The following BRIP1 variants were observed in gnomAD, a reference collection of about 807,000 sequenced individuals.
The protein encoded by BRIP1 is Fanconi anemia group J protein.
BRIP1 carries 88 observed loss-of-function variants against 119.7 expected under a neutral mutation model. The observed-to-expected ratio is 0.74, with a 90% CI of 0.62 to 0.88. The LOEUF (loss-of-function observed/expected upper bound fraction) is 0.88. Ranked by LOEUF, BRIP1 falls within the 40% of genes least tolerant of loss-of-function variation. The pLI, the probability that BRIP1 is intolerant of heterozygous loss-of-function variation, is 0.00. For missense variants in BRIP1, 1,259 were observed against 1,455.4 expected (o/e 0.87, Z 2.20); for synonymous variants, 443 against 496.5 (o/e 0.89, Z 1.43).
In BRIP1 at chr17:61,704,943, AT is replaced by A. The variant is rs1192772910; in HGVS notation, c.2492+11007del. Among the ~76,000 whole-genome samples the A allele has an allele frequency of 3.3e-5, 5 of 150,762 alleles. No individual in the cohort carries two copies. The highest frequency in any genetic ancestry group is 7.4e-5 in the Non-Finnish European group (5 of 67,576). ...TATTTTTTTCTGTTTTTCAACTTTTATTTTATTTTAGATTCCAGGAGTACAT... is the reference window on the plus strand; with the variant it reads ...TATTTTTTTCTGTTTTTCAACTTTTATTTATTTTAGATTCCAGGAGTACAT... On this transcript the variant is annotated intron_variant, in intron 17 of 19. Coordinates refer to ENST00000259008, the MANE Select transcript of BRIP1 (RefSeq NM_032043.3). This position sits in a 1 kb window ranked among gnomAD's most constrained non-coding sequence, Gnocchi z 5.7.
At position 61,704,957 on chromosome 17, in the gene BRIP1, T is replaced by C. The variant is rs2061670703; in HGVS notation, c.2492+10994A>G. The stretch of plus-strand genomic sequence containing the variant: ...TTTCAACTTTTATTTTATTTTAGAT[T>C]CCAGGAGTACATGTGCAGGTTTGTT... On this transcript the variant is annotated intron_variant, in intron 17 of 19. Transcript: ENST00000259008. The surrounding 1 kb of genome is among the most constrained non-coding windows in gnomAD (Gnocchi z 5.7). 6.6e-6 allele frequency among the ~76,000 whole-genome samples: 1 copy of C among 152,160 alleles called. No individual in the cohort carries two copies. The highest frequency in any genetic ancestry group is 2.4e-5 in the African/African-American group (1 of 41,442).
In BRIP1 at chr17:61,703,107, C is replaced by G. The variant is rs1338538606; in HGVS notation, c.2493-9595G>C. On this transcript the variant is annotated intron_variant, in intron 17 of 19. Coordinates refer to ENST00000259008, the MANE Select transcript of BRIP1 (RefSeq NM_032043.3). The surrounding 1 kb of genome is among the most constrained non-coding windows in gnomAD (Gnocchi z 5.0). ...TGAGACAGAGTCTCACTCTATTGCC[C>G]AGGCTGAAGTGCAGTGGCACAATCC... Among the ~76,000 whole-genome samples, 1 of 151,982 alleles carries G rather than the reference C, an allele frequency of 6.6e-6. No homozygotes were observed. The highest frequency in any genetic ancestry group is 1.5e-5 in the Non-Finnish European group (1 of 67,986).
At chr17:61,702,042 G>A (rs2061622352) in intron 17 of BRIP1, among the ~76,000 whole-genome samples, 1 of 152,142 alleles carries the variant, frequency 6.6e-6, no homozygotes. Context: ...TATTTTTAAG[G>A]AGTAAATTCT....
rs35235448 is a variant in BRIP1, at chr17:61,680,181, TAAAAAA to T, written c.*3109_*3114del. ...AACATGGTGAAACCCTGTCGATACT[TAAAAAA>T]AAAAAAAAAAAAAAATTAGCTGGGT... On this transcript the variant is annotated 3_prime_UTR_variant, in exon 20 of 20. Transcript: ENST00000259008. Among the ~76,000 whole-genome samples, 45 of 127,936 alleles carry T rather than the reference TAAAAAA, an allele frequency of 3.5e-4. No individual in the cohort carries two copies. Among genetic ancestry groups the T allele is most frequent in the African/African-American group, 1.1e-3 (39 of 34,496 alleles). 83.9% of individuals were successfully genotyped at this position (127,936 alleles called of 152,430 possible).
intron 5 of BRIP1, among the ~76,000 whole-genome samples, chr17:61,847,845 C>A (rs1309830885): frequency 1.3e-5 from 2 of 152,254 alleles, no homozygotes; most frequent in Admixed American, 1.3e-4. Flanking sequence ...TATTGATAAT[C>A]TCATTCCCGC....
rs913173170 is a variant in BRIP1, at chr17:61,808,382, CTAAAATGTACA to C, written c.918+74_918+84del. Reference sequence around the variant, plus strand: ...TTTGATTTTCCGAAGTTGATTATCACTAAAATGTACATATAAAACACATACTGAGTAATTTA... The same window carrying C: ...TTTGATTTTCCGAAGTTGATTATCACTATAAAACACATACTGAGTAATTTA... On this transcript the variant is annotated intron_variant, in intron 7 of 19. Coordinates refer to ENST00000259008, the MANE Select transcript of BRIP1 (RefSeq NM_032043.3). The surrounding 1 kb of genome is among the most constrained non-coding windows in gnomAD (Gnocchi z 4.1). The C allele has an allele frequency of 5.0e-6, 7 of 1,399,424 alleles. No homozygotes were observed. In the African/African-American group the frequency reaches 1.0e-4, roughly 20 times the overall value. The allele number at this position is 1,399,424 out of a possible 1,614,324, so 86.7% of individuals were successfully genotyped here.
chr17:61,696,258 T>C (rs1358885942), intron 17 of BRIP1, among the ~76,000 whole-genome samples: 1 of 151,840 alleles, frequency 6.6e-6, no homozygotes, highest in Non-Finnish European at 1.5e-5. Context: ...TTTAATATGG[T>C]GTATTACATT....
At position 61,730,158 on chromosome 17, in the gene BRIP1, A is replaced by T. The variant is rs1483327040; in HGVS notation, c.2379+12855T>A. On this transcript the variant is annotated intron_variant, in intron 16 of 19. Transcript: ENST00000259008. This position sits in a 1 kb window ranked among gnomAD's most constrained non-coding sequence, Gnocchi z 4.3. ...AAACTGAACTCATTCCCAAGCTTTC[A>T]AGCCTTTAATCCTAGGGAAAAACAG... Among the ~76,000 whole-genome samples, 1 of 152,196 alleles carries T rather than the reference A, an allele frequency of 6.6e-6. No homozygotes were observed. The highest frequency in any genetic ancestry group is 1.5e-5 in the Non-Finnish European group (1 of 68,032).
rs987736473 is a variant in BRIP1 at position 61,713,607 on chromosome 17, C to T, written c.2492+2344G>A. Reference sequence around the variant, plus strand: ...GGTGATCTCGGCTCACTGCAGCCTCCACCTCCCGGGTTCAAGTAATTCTCC... The same window carrying T: ...GGTGATCTCGGCTCACTGCAGCCTCTACCTCCCGGGTTCAAGTAATTCTCC... On this transcript the variant is annotated intron_variant, in intron 17 of 19. Coordinates refer to ENST00000259008, the MANE Select transcript of BRIP1 (RefSeq NM_032043.3). The surrounding 1 kb of genome is among the most constrained non-coding windows in gnomAD (Gnocchi z 4.9). Among the ~76,000 whole-genome samples, 9 of 151,774 alleles carry T rather than the reference C, an allele frequency of 5.9e-5. No individual in the cohort carries two copies. Among genetic ancestry groups the T allele is most frequent in the African/African-American group, 1.7e-4 (7 of 41,366 alleles).
chr17:61,765,413 ATATATATATATTTTTT>A (rs2077352629), intron 14 of BRIP1, among the ~76,000 whole-genome samples: 4 of 14,270 alleles, frequency 2.8e-4, no homozygotes, highest in Non-Finnish European at 4.8e-4. Context: ...ATATATATAT[ATATATATATATTTTTT>A]TTTTTTTTTT....
chr17:61,844,448 G>C lies in BRIP1; in HGVS notation c.627+2653C>G, dbSNP rs531478529. ...AAAAATAAAAATAAAAAATTAGCTG[G>C]GCATGGTGTTGCACAGCTGTAGTCC... On this transcript the variant is annotated intron_variant, in intron 6 of 19. Transcript: ENST00000259008. This position sits in a 1 kb window ranked among gnomAD's most constrained non-coding sequence, Gnocchi z 4.7. 3.5e-4 allele frequency among the ~76,000 whole-genome samples: 53 copies of C among 152,168 alleles called. No individual in the cohort carries two copies. Among genetic ancestry groups the C allele is most frequent in the Non-Finnish European group, 6.5e-4 (44 of 67,998 alleles).
At chr17:61,833,765 A>G (rs2078529183) in intron 6 of BRIP1, among the ~76,000 whole-genome samples, 1 of 152,104 alleles carries the variant, frequency 6.6e-6, no homozygotes, top group South Asian at 2.1e-4. Flanking sequence ...GCAAATTTGC[A>G]GACAAGGCAA....
Position 61,827,037 on chromosome 17 carries a change from G to C in BRIP1, c.628-18280C>G, listed in dbSNP as rs2145586089. On this transcript the variant is annotated intron_variant, in intron 6 of 19. Transcript: ENST00000259008. This position sits in a 1 kb window ranked among gnomAD's most constrained non-coding sequence, Gnocchi z 5.8. Reference sequence around the variant, plus strand: ...GAATCAACCTAAATGCTAATCAATGGTAGACTAGATTTTAAAAATGTGGTA... The same window carrying C: ...GAATCAACCTAAATGCTAATCAATGCTAGACTAGATTTTAAAAATGTGGTA... Among the ~76,000 whole-genome samples the C allele has an allele frequency of 6.6e-6, 1 of 152,170 alleles. No homozygotes were observed. Among genetic ancestry groups the C allele is most frequent in the Non-Finnish European group, 1.5e-5 (1 of 67,994 alleles).
At position 61,726,704 on chromosome 17, in the gene BRIP1, T is replaced by C. The variant is rs2144523619; in HGVS notation, c.2380-10641A>G. Among the ~76,000 whole-genome samples the C allele has an allele frequency of 6.6e-6, 1 of 152,320 alleles. No homozygotes were observed. Among genetic ancestry groups the C allele is most frequent in the East Asian group, 1.9e-4 (1 of 5,188 alleles). On this transcript the variant is annotated intron_variant, in intron 16 of 19. Coordinates refer to ENST00000259008, the MANE Select transcript of BRIP1 (RefSeq NM_032043.3). This position sits in a 1 kb window ranked among gnomAD's most constrained non-coding sequence, Gnocchi z 6.2. ...AACAAATATTTTAAAAAATAACTTC[T>C]ACAATTGATCTTAAATTTTCTAAGA...
Position 61,683,538 on chromosome 17 carries a change from G to C in BRIP1, c.3508C>G (p.Leu1170Val), listed in dbSNP as rs587782552. The C allele has an allele frequency of 6.2e-7, 1 of 1,613,264 alleles. No individual in the cohort carries two copies. The highest frequency in any genetic ancestry group is 8.5e-7 in the Non-Finnish European group (1 of 1,179,974). The change falls in exon 20 of 20, where the codon CTT becomes GTT. Residue 1170 changes from leucine (L) to valine (V), a missense_variant. By Grantham distance (32) the Leu-to-Val change is conservative (BLOSUM62 1). Transcript: ENST00000259008. This position sits in a 1 kb window ranked among gnomAD's most constrained non-coding sequence, Gnocchi z 4.7. ...TCTTTTATAGTTCTAATTTCAAAAA[G>C]GTCTTTAGCTAAAATGCAATCTGAA... ...NNSDCILAKD[L>V]FEIRTIKEVD...
At chr17:61,772,752 AGGTT>A (rs1378786175) in intron 14 of BRIP1, among the ~76,000 whole-genome samples, 3 of 139,156 alleles carry the variant, frequency 2.2e-5, no homozygotes, top group Non-Finnish European at 4.6e-5. Context: ...CGGGAGGCAG[AGGTT>A]GCAGTGAGCC....
At chr17:61,859,692 T>C in intron 3 of BRIP1, 104 bp downstream of exon 3, 1 of 765,074 alleles carries the variant, frequency 1.3e-6, no homozygotes, top group South Asian at 1.5e-5. Flanking sequence ...TAAACAAATA[T>C]TTAAGTTAGC....
Position 61,744,322 on chromosome 17 carries a change from T to C in BRIP1, c.2257+110A>G. 8.2e-7 allele frequency: 1 copy of C among 1,217,378 alleles called. No individual in the cohort carries two copies. The highest frequency in any genetic ancestry group is 1.4e-5 in the South Asian group (1 of 71,996). 75.4% of individuals were successfully genotyped at this position (1,217,378 alleles called of 1,614,324 possible). ...TTTATTTTCTTTTCACTCAGGATTA[T>C]AATTTTTCTCTTAAGTGTAATTCAT... On this transcript the variant is annotated intron_variant, in intron 15 of 19. Transcript: ENST00000259008. The surrounding 1 kb of genome is among the most constrained non-coding windows in gnomAD (Gnocchi z 5.0).
In BRIP1 at chr17:61,729,817, T is replaced by C. The variant is rs1283353148; in HGVS notation, c.2379+13196A>G. On this transcript the variant is annotated intron_variant, in intron 16 of 19. Transcript: ENST00000259008. This position sits in a 1 kb window ranked among gnomAD's most constrained non-coding sequence, Gnocchi z 5.6. Reference sequence around the variant, plus strand: ...TTTGCCAACCAGAAGATAATGGCAATGTCTAGAGATATTTTGGGTTATCAC... The same window carrying C: ...TTTGCCAACCAGAAGATAATGGCAACGTCTAGAGATATTTTGGGTTATCAC... 6.6e-6 allele frequency among the ~76,000 whole-genome samples: 1 copy of C among 151,986 alleles called. No individual in the cohort carries two copies. The highest frequency in any genetic ancestry group is 1.5e-5 in the Non-Finnish European group (1 of 68,008).
Sources: allele counts gnomAD v4.1 joint callset (sites outside exome capture counted in the v4.1 genomes callset), GRCh38; gene constraint gnomAD v4.1.1; non-coding constraint Gnocchi (gnomAD v3.1); transcripts MANE v1.5; gene names NCBI Gene and HGNC (gene_info 2026-07-23, HGNC 2026-07-21).